The following ERH variants were observed in gnomAD, a reference collection of about 807,000 sequenced individuals.
ERH encodes ERH mRNA splicing and mitosis factor, also known as enhancer of rudimentary homolog.
In ERH, 1 loss-of-function variant was observed where a neutral mutation model predicts 16.8. That is an observed-to-expected ratio of 0.06 (90% CI 0.02 to 0.28). The LOEUF is 0.28. Ranked by LOEUF, ERH falls within the 10% of genes least tolerant of loss-of-function variation. The probability of loss-of-function intolerance (pLI) is 1.00; values close to 1 mark genes in which losing one functional copy is unlikely to be tolerated. For synonymous variants in ERH, 43 were observed against 43.6 expected, an observed-to-expected ratio of 0.99 and a Z score of 0.05; for missense variants, 42 against 127.5, an observed-to-expected ratio of 0.33 and a Z score of 3.23.
At chr14:69,385,474 T>C (rs1347806590) in intron 3 of ERH, among the ~76,000 whole-genome samples, 1 of 152,054 alleles carries the variant, frequency 6.6e-6, no homozygotes, top group Non-Finnish European at 1.5e-5. Context: ...CTCCCTTTTT[T>C]ATGATTGAAC....
In ERH at chr14:69,388,077, T is replaced by C. The variant is rs145953793; in HGVS notation, c.92-994A>G. Among the ~76,000 whole-genome samples, 475 of 152,152 alleles carry C rather than the reference T, an allele frequency of 3.1e-3. 4 individuals carry two copies. The highest frequency in any genetic ancestry group is 0.011 in the African/African-American group (461 of 41,514). On this transcript the variant is annotated intron_variant, in intron 2 of 3. Transcript: ENST00000557016. ...CAAACAAACAAAAAATCCTAGACTATGGATTCAGACAGACTTTAGTTCCAA... is the reference window on the plus strand; with the variant it reads ...CAAACAAACAAAAAATCCTAGACTACGGATTCAGACAGACTTTAGTTCCAA...
chr14:69,392,064 G>A (rs1281152136), intron 2 of ERH, among the ~76,000 whole-genome samples: 1 of 152,122 alleles, frequency 6.6e-6, no homozygotes, highest in Non-Finnish European at 1.5e-5. Context: ...GAAGGCGTAT[G>A]CTGGAGCTCT....
intron 2 of ERH, among the ~76,000 whole-genome samples, chr14:69,387,819 C>T (rs529280922): frequency 1.3e-4 from 20 of 152,034 alleles, no homozygotes; most frequent in African/African-American, 3.9e-4. Context: ...CCAAGGCGGG[C>T]GGATCACGAG....
chr14:69,386,391 T>C (rs1403400283), intron 3 of ERH, among the ~76,000 whole-genome samples: 3 of 152,250 alleles, frequency 2.0e-5, no homozygotes, highest in African/African-American at 7.2e-5. Flanking sequence ...AAATGAGCTG[T>C]ATTTACACTC....
rs1292607873 is a variant in ERH at position 69,397,330 on chromosome 14, G to A, written c.3+901C>T. Reference sequence around the variant, plus strand: ...ATCATCCCGGTTGGGTTCTAATAGAGCTGGTCTCTGAGCTGAGCCTACTTT... The same window carrying A: ...ATCATCCCGGTTGGGTTCTAATAGAACTGGTCTCTGAGCTGAGCCTACTTT... On this transcript the variant is annotated intron_variant, in intron 1 of 3. Transcript: ENST00000557016. Among the ~76,000 whole-genome samples the A allele has an allele frequency of 2.6e-5, 4 of 152,106 alleles. 1 individual carries two copies. The highest frequency in any genetic ancestry group is 9.7e-5 in the African/African-American group (4 of 41,406).
At chr14:69,394,289 A>G (rs1882284757) in intron 2 of ERH, among the ~76,000 whole-genome samples, 1 of 146,610 alleles carries the variant, frequency 6.8e-6, no homozygotes, top group Admixed American at 7.2e-5. Flanking sequence ...CATTAGTTTA[A>G]AAAAAAAAAA....
chr14:69,383,738 G>A (rs2045876271), intron 3 of ERH, among the ~76,000 whole-genome samples: 1 of 152,124 alleles, frequency 6.6e-6, no homozygotes, highest in African/African-American at 2.4e-5. Flanking sequence ...AATACTGTAG[G>A]TGGGAAGAAT....
At chr14:69,393,932 G>A (rs563167597) in intron 2 of ERH, among the ~76,000 whole-genome samples, 2 of 151,304 alleles carry the variant, frequency 1.3e-5, no homozygotes, top group African/African-American at 4.9e-5. Flanking sequence ...GAGGCAGGAG[G>A]ACTGCTTGAG....
At chr14:69,396,365 G>A (rs1267966592) in intron 1 of ERH, among the ~76,000 whole-genome samples, 2 of 152,316 alleles carry the variant, frequency 1.3e-5, no homozygotes, top group South Asian at 2.1e-4. Context: ...GGGTTCAAGC[G>A]AATCTTCTGC....
intron 3 of ERH, among the ~76,000 whole-genome samples, chr14:69,382,433 T>C (rs2045868129): frequency 6.6e-6 from 1 of 152,188 alleles, no homozygotes; most frequent in Non-Finnish European, 1.5e-5. Context: ...CTCACAATTA[T>C]CATATCTGGG....
At chr14:69,396,882 T>C (rs1167814980) in intron 1 of ERH, among the ~76,000 whole-genome samples, 3 of 152,230 alleles carry the variant, frequency 2.0e-5, no homozygotes, top group Non-Finnish European at 4.4e-5. Context: ...CTTTGTAAGC[T>C]AGCTACTCAA....
intron 2 of ERH, among the ~76,000 whole-genome samples, chr14:69,391,104 A>T (rs1488643164): frequency 3.3e-5 from 5 of 152,234 alleles, no homozygotes; most frequent in African/African-American, 1.2e-4. Context: ...TGTACCACAT[A>T]ATCTAGCAAT....
At chr14:69,393,470 A>C (rs1272269445) in intron 2 of ERH, among the ~76,000 whole-genome samples, 1 of 152,232 alleles carries the variant, frequency 6.6e-6, no homozygotes, top group African/African-American at 2.4e-5. Context: ...ATCCCATGGA[A>C]TACTACTCAG....
At chr14:69,393,055 G>A (rs1882252505) in intron 2 of ERH, among the ~76,000 whole-genome samples, 2 of 152,158 alleles carry the variant, frequency 1.3e-5, no homozygotes, top group Admixed American at 6.5e-5. Flanking sequence ...GGTGGCTCAC[G>A]CCTGTAATCC....
chr14:69,384,025 T>G (rs2045878413), intron 3 of ERH, among the ~76,000 whole-genome samples: 1 of 152,124 alleles, frequency 6.6e-6, no homozygotes, highest in South Asian at 2.1e-4. Flanking sequence ...TTAGAAAAGT[T>G]ATGTTATGTC....
At chr14:69,380,661 A>T in intron 3 of ERH, 21 bp from the exon 4 acceptor site, 1 of 1,453,162 alleles carries the variant, frequency 6.9e-7, no homozygotes, top group Non-Finnish European at 9.7e-7. Context: ...AAAGGGAATA[A>T]GCAAAGTCAC....
chr14:69,394,369 C>T (rs555177614), intron 2 of ERH, among the ~76,000 whole-genome samples: 57 of 152,054 alleles, frequency 3.7e-4, no homozygotes, highest in Middle Eastern at 3.4e-3. Context: ...CCGGCCAAGG[C>T]GGATTACTTG....
At chr14:69,389,009 T>A (rs376374715) in intron 2 of ERH, among the ~76,000 whole-genome samples, 1 of 152,138 alleles carries the variant, frequency 6.6e-6, no homozygotes, top group Non-Finnish European at 1.5e-5. Flanking sequence ...TAAAAAGGCA[T>A]TGACCCACAG....
chr14:69,387,133 T>C (rs1459625687), intron 2 of ERH, 50 bp from the exon 3 acceptor site: 3 of 1,541,910 alleles, frequency 1.9e-6, no homozygotes, highest in African/African-American at 2.7e-5. Flanking sequence ...CATACACTTC[T>C]AGATATGAGC....
Sources: gnomAD v4.1 joint callset for allele counts (sites outside exome capture counted in the v4.1 genomes callset) on GRCh38, gnomAD v4.1.1 for gene constraint, MANE v1.5 for transcripts, NCBI Gene and HGNC (gene_info 2026-07-23, HGNC 2026-07-21) for gene names.